HAUS1: variants seen among roughly 807,000 people sequenced by gnomAD.
The protein encoded by HAUS1 is HAUS augmin like complex subunit 1.
HAUS1 carries 25 observed loss-of-function variants against 38.6 expected under a neutral mutation model. That is an observed-to-expected ratio of 0.65 (90% CI 0.47 to 0.91). The LOEUF is 0.91. HAUS1 is among the 40% of genes least tolerant of loss of function. HAUS1 has a pLI of 0.00. For synonymous variants in HAUS1, 109 were observed against 112.9 expected, an observed-to-expected ratio of 0.97 and a Z score of 0.22; for missense variants, 325 against 328.4, an observed-to-expected ratio of 0.99 and a Z score of 0.08.
intron 3 of HAUS1, among the ~76,000 whole-genome samples, chr18:46,119,488 T>C (rs1337182937): frequency 6.6e-6 from 1 of 152,186 alleles, no homozygotes; most frequent in African/African-American, 2.4e-5. Flanking sequence ...ATCATACAAC[T>C]TAAAGTCACA....
intron 2 of HAUS1, among the ~76,000 whole-genome samples, chr18:46,111,701 G>A (rs1368756998): frequency 1.3e-5 from 2 of 150,982 alleles, no homozygotes; most frequent in African/African-American, 4.9e-5. Context: ...CAAGTGATCT[G>A]CCTGCCTCGG....
chr18:46,109,070 C>G (rs1001710918), intron 2 of HAUS1, among the ~76,000 whole-genome samples: 1 of 83,082 alleles, frequency 1.2e-5, no homozygotes, highest in Admixed American at 1.3e-4. Flanking sequence ...GACTCCGTCT[C>G]AAAAAAAAAA....
chr18:46,104,467 T>C lies in HAUS1; in HGVS notation c.30+26T>C, dbSNP rs1384063743. 3 of 1,459,450 alleles carry C rather than the reference T, an allele frequency of 2.1e-6. No homozygotes were observed. In the Admixed American group the frequency reaches 7.5e-5, roughly 37 times the overall value. The allele number at this position is 1,459,450 out of a possible 1,614,324, so 90.4% of individuals were successfully genotyped here. On this transcript the variant is annotated intron_variant, in intron 1 of 8. Coordinates refer to ENST00000282058, the MANE Select transcript of HAUS1 (RefSeq NM_138443.4). ...GTGATGGGGCGGGAATGGGGATCGT[T>C]GGCCTCCTGGAAAACGCGTTTTTGA...
At chr18:46,111,462 C>A (rs987055915) in intron 2 of HAUS1, among the ~76,000 whole-genome samples, 1 of 152,052 alleles carries the variant, frequency 6.6e-6, no homozygotes, top group African/African-American at 2.4e-5. Flanking sequence ...GCTGGACTTA[C>A]AGGCATATTT....
At chr18:46,125,428 A>C (rs1281466159) in intron 7 of HAUS1, among the ~76,000 whole-genome samples, 1 of 152,082 alleles carries the variant, frequency 6.6e-6, no homozygotes, top group East Asian at 1.9e-4. Context: ...GGGCGCTTAT[A>C]ATCCCAGCTA....
rs1401194020 is a variant in HAUS1, at chr18:46,104,390, T to A, written c.-22T>A. On this transcript the variant is annotated 5_prime_UTR_variant, in exon 1 of 9. Coordinates refer to ENST00000282058, the MANE Select transcript of HAUS1 (RefSeq NM_138443.4). Reference sequence around the variant, plus strand: ...CGCATCTCCCGCTAGGAGTTCCTAGTAAAGTGGCGGGAGCCGCAGCTATGG... The same window carrying A: ...CGCATCTCCCGCTAGGAGTTCCTAGAAAAGTGGCGGGAGCCGCAGCTATGG... 3.4e-6 allele frequency: 5 copies of A among 1,457,942 alleles called. No individual in the cohort carries two copies. The South Asian group carries it at 5.6e-5, about 16-fold the overall frequency. The allele number at this position is 1,457,942 out of a possible 1,614,324, so 90.3% of individuals were successfully genotyped here.
In HAUS1 at chr18:46,104,399, G is replaced by A. The variant is rs113957702; in HGVS notation, c.-13G>A. On this transcript the variant is annotated 5_prime_UTR_variant, in exon 1 of 9. Transcript: ENST00000282058. ...CGCTAGGAGTTCCTAGTAAAGTGGC[G>A]GGAGCCGCAGCTATGGAGCCGCAGG... 18 of 1,448,882 alleles carry A rather than the reference G, an allele frequency of 1.2e-5. No homozygotes were observed. Among genetic ancestry groups the A allele is most frequent in the Non-Finnish European group, 1.5e-5 (16 of 1,088,506 alleles). 89.8% of individuals were successfully genotyped at this position (1,448,882 alleles called of 1,614,324 possible).
At chr18:46,110,333 G>GTTTTTT (rs71160713) in intron 2 of HAUS1, among the ~76,000 whole-genome samples, 686 of 49,982 alleles carry the variant, frequency 0.014, 97 homozygotes, top group Middle Eastern at 0.043. Flanking sequence ...TTTTTTTAAG[G>GTTTTTT]TTTTTTTTTT....
chr18:46,124,463 G>A (rs1912041981), intron 6 of HAUS1, among the ~76,000 whole-genome samples: 1 of 150,110 alleles, frequency 6.7e-6, no homozygotes, highest in Non-Finnish European at 1.5e-5. Context: ...GTGCACGCCT[G>A]TGGTCCCAGC....
intron 2 of HAUS1, among the ~76,000 whole-genome samples, chr18:46,108,813 T>A (rs1197721555): frequency 6.6e-6 from 1 of 152,150 alleles, no homozygotes; most frequent in Non-Finnish European, 1.5e-5. Context: ...GGCTCAAGCC[T>A]GTAATCCCAG....
intron 6 of HAUS1, among the ~76,000 whole-genome samples, chr18:46,124,134 G>T (rs562650776): frequency 1.2e-4 from 19 of 152,118 alleles, no homozygotes; most frequent in Non-Finnish European, 2.1e-4. Context: ...CAAAGGCCAG[G>T]CATGGTGGCT....
chr18:46,116,562 A>C (rs1020545464), intron 2 of HAUS1, among the ~76,000 whole-genome samples: 4 of 90,452 alleles, frequency 4.4e-5, no homozygotes, highest in African/African-American at 3.0e-4. Flanking sequence ...CCCTGTCCCA[A>C]AAAAAAAATA....
chr18:46,128,142 A>T lies in HAUS1; in HGVS notation c.*17A>T. On this transcript the variant is annotated 3_prime_UTR_variant, in exon 9 of 9. Coordinates refer to ENST00000282058, the MANE Select transcript of HAUS1 (RefSeq NM_138443.4). Reference sequence around the variant, plus strand: ...GAACTGTGACAAAAGCCAAATAAACATCCTTTTCCCTAACAAAGTAAATTG... The same window carrying T: ...GAACTGTGACAAAAGCCAAATAAACTTCCTTTTCCCTAACAAAGTAAATTG... 1 of 1,545,638 alleles carries T rather than the reference A, an allele frequency of 6.5e-7. No homozygotes were observed. The highest frequency in any genetic ancestry group is 1.2e-5 in the South Asian group (1 of 83,804).
rs556758927 is a variant in HAUS1 at position 46,124,268 on chromosome 18, G to A, written c.667-554G>A. ...CTACTAAAAATACAAAAATTAGCCA[G>A]GCATGGTGGCACATGCCTGTAATCC... On this transcript the variant is annotated intron_variant, in intron 6 of 8. Coordinates refer to ENST00000282058, the MANE Select transcript of HAUS1 (RefSeq NM_138443.4). Among the ~76,000 whole-genome samples, 562 of 152,118 alleles carry A rather than the reference G, an allele frequency of 3.7e-3. 5 individuals are homozygous for A. The highest frequency in any genetic ancestry group is 0.012 in the African/African-American group (514 of 41,514).
In HAUS1 at chr18:46,118,777, T is replaced by C. The variant is rs987013263; in HGVS notation, c.341+461T>C. 3.9e-5 allele frequency among the ~76,000 whole-genome samples: 6 copies of C among 152,208 alleles called. 1 individual carries two copies. The highest frequency in any genetic ancestry group is 7.3e-5 in the Non-Finnish European group (5 of 68,036). ...GGGTTAAATAATTTATCCGAGCTAC[T>C]AAATGGCAGAGCTGAGATTCAAAAC... On this transcript the variant is annotated intron_variant, in intron 3 of 8. Coordinates refer to ENST00000282058, the MANE Select transcript of HAUS1 (RefSeq NM_138443.4).
chr18:46,123,238 T>G, intron 5 of HAUS1, 61 bp from the exon 6 acceptor site: 1 of 1,134,878 alleles, frequency 8.8e-7, no homozygotes. Flanking sequence ...AAGAAAAATA[T>G]TTGATGGTGG....
chr18:46,109,221 A>T lies in HAUS1; in HGVS notation c.205+3853A>T, dbSNP rs896816890. 2.0e-5 allele frequency among the ~76,000 whole-genome samples: 3 copies of T among 152,138 alleles called. No homozygotes were observed. The East Asian group carries it at 5.8e-4, about 29-fold the overall frequency. ...ATGCCAGAGCAGGAGAGAGAGACAG[A>T]GGGCATGAAGCTGGAAGTGCCACAC... On this transcript the variant is annotated intron_variant, in intron 2 of 8. Transcript: ENST00000282058.
In HAUS1 at chr18:46,113,005, TGG is replaced by T. The variant is rs1421512513; in HGVS notation, c.206-5175_206-5174del. Among the ~76,000 whole-genome samples the T allele has an allele frequency of 6.9e-4, 79 of 114,116 alleles. 5 individuals are homozygous for T. The highest frequency in any genetic ancestry group is 2.0e-3 in the Admixed American group (19 of 9,726). The allele number at this position is 114,116 out of a possible 152,430, so 74.9% of individuals were successfully genotyped here. On this transcript the variant is annotated intron_variant, in intron 2 of 8. Coordinates refer to ENST00000282058, the MANE Select transcript of HAUS1 (RefSeq NM_138443.4). The stretch of plus-strand genomic sequence containing the variant: ...ATATATAATATATATTCCATATATA[TGG>T]AATATATATATTCCATATTATATAT...
At chr18:46,115,188 A>C (rs1911767169) in intron 2 of HAUS1, 2 of 152,190 alleles carry the variant, frequency 1.3e-5, no homozygotes, top group Admixed American at 1.3e-4. Flanking sequence ...GCGCCTAAAA[A>C]GGCCAGGCAC....
Sources: allele counts gnomAD v4.1 joint callset (sites outside exome capture counted in the v4.1 genomes callset), GRCh38; gene constraint gnomAD v4.1.1; transcripts MANE v1.5; gene names NCBI Gene and HGNC (gene_info 2026-07-23, HGNC 2026-07-21).